SLIT3: variants seen among roughly 807,000 people sequenced by gnomAD.
SLIT3 encodes the protein slit homolog 3 protein.
In SLIT3, 68 loss-of-function variants were observed where a neutral mutation model predicts 184.0. That is an observed-to-expected ratio of 0.37 (90% confidence interval 0.30 to 0.45). The LOEUF (loss-of-function observed/expected upper bound fraction) is 0.45, where lower values mean the gene tolerates loss of function less well. SLIT3 is among the 20% of genes least tolerant of loss of function. SLIT3 has a pLI of 1.00. For missense variants in SLIT3, 1,707 were observed against 2,026.0 expected (o/e 0.84, Z 3.02); for synonymous variants, 831 against 828.6 (o/e 1.00, Z -0.05).
At chr5:169,255,480 G>A (rs1765924766) in intron 1 of SLIT3, among the ~76,000 whole-genome samples, 1 of 152,102 alleles carries the variant, frequency 6.6e-6, no homozygotes, top group African/African-American at 2.4e-5. Context: ...AGTAAAAAAA[G>A]TTTATAAAAT....
intron 3 of SLIT3, 64 bp from the exon 4 acceptor site, chr5:169,193,614 T>C: frequency 8.3e-7 from 1 of 1,202,930 alleles, no homozygotes; most frequent in Non-Finnish European, 1.2e-6. Context: ...CGTATTCAGA[T>C]ACCACTTTAA....
At chr5:169,055,313 C>G (rs946448911) in intron 4 of SLIT3, among the ~76,000 whole-genome samples, 1 of 152,052 alleles carries the variant, frequency 6.6e-6, no homozygotes, top group East Asian at 1.9e-4. Flanking sequence ...TTAGGAGTTA[C>G]GCGGTAATAG....
rs1237193412 is a variant in SLIT3, at chr5:168,666,111, T to TTAAAGCATTTTTATTAG, written c.*326_*342dup. On this transcript the variant is annotated 3_prime_UTR_variant, in exon 36 of 36. Coordinates refer to ENST00000519560, the MANE Select transcript of SLIT3 (RefSeq NM_003062.4). Reference sequence around the variant, plus strand: ...CATTCTTTATTCTTATCCTTTTGTTTTAAAGCATTTTTATTAGTCTATTTT... The same window carrying TTAAAGCATTTTTATTAG: ...CATTCTTTATTCTTATCCTTTTGTTTTAAAGCATTTTTATTAGTAAAGCATTTTTATTAGTCTATTTT... The TTAAAGCATTTTTATTAG allele has an allele frequency of 1.4e-4, 24 of 174,240 alleles. No individual in the cohort carries two copies. The highest frequency in any genetic ancestry group is 9.3e-4 in the Admixed American group (15 of 16,092). The allele number at this position is 174,240 out of a possible 1,614,324, so 10.8% of individuals were successfully genotyped here.
intron 4 of SLIT3, among the ~76,000 whole-genome samples, chr5:168,909,477 C>T (rs1312385142): frequency 5.9e-5 from 9 of 152,202 alleles, no homozygotes; most frequent in Admixed American, 2.0e-4. Context: ...TTTAGCATCG[C>T]CCACAGGAGT....
chr5:169,171,811 G>T (rs1381898798), intron 4 of SLIT3, among the ~76,000 whole-genome samples: 1 of 152,214 alleles, frequency 6.6e-6, no homozygotes, highest in Non-Finnish European at 1.5e-5. Context: ...GGTGGAGAAT[G>T]GGGATGTTGG....
chr5:168,710,813 A>G, intron 25 of SLIT3, 82 bp downstream of exon 25: 1 of 1,239,554 alleles, frequency 8.1e-7, no homozygotes, highest in Non-Finnish European at 1.1e-6. Context: ...ACATCTGTTG[A>G]GATACCCTGC....
intron 3 of SLIT3, among the ~76,000 whole-genome samples, chr5:169,242,737 T>C (rs1477760567): frequency 6.6e-6 from 1 of 152,126 alleles, no homozygotes; most frequent in East Asian, 1.9e-4. Context: ...GCACAGCAGC[T>C]AGCATTACCC....
At chr5:169,248,446 C>T (rs1397840862) in intron 2 of SLIT3, among the ~76,000 whole-genome samples, 1 of 152,086 alleles carries the variant, frequency 6.6e-6, no homozygotes, top group African/African-American at 2.4e-5. Context: ...TAAGACCCTC[C>T]CATCCAGACT....
intron 16 of SLIT3, among the ~76,000 whole-genome samples, chr5:168,758,354 G>A (rs528412641): frequency 1.1e-4 from 17 of 152,344 alleles, no homozygotes; most frequent in Admixed American, 8.5e-4. Context: ...CTTCGCAGAA[G>A]CAAAGACTAG....
chr5:168,845,444 CT>C (rs1172602673), intron 5 of SLIT3, among the ~76,000 whole-genome samples: 6 of 152,178 alleles, frequency 3.9e-5, no homozygotes, highest in Non-Finnish European at 7.4e-5. Context: ...AGATGCACCA[CT>C]TTGATTTAAA....
At chr5:168,980,080 C>T (rs1289292397) in intron 4 of SLIT3, among the ~76,000 whole-genome samples, 1 of 152,136 alleles carries the variant, frequency 6.6e-6, no homozygotes, top group African/African-American at 2.4e-5. Context: ...AGGCCCCACA[C>T]TTTAGAGCAG....
chr5:169,037,258 A>C (rs1448893056), intron 4 of SLIT3, among the ~76,000 whole-genome samples: 1 of 152,252 alleles, frequency 6.6e-6, no homozygotes, highest in East Asian at 1.9e-4. Flanking sequence ...CTAAGCATTT[A>C]TGTTGCTGAA....
chr5:169,057,066 G>A (rs536072256), intron 4 of SLIT3, among the ~76,000 whole-genome samples: 24 of 152,162 alleles, frequency 1.6e-4, no homozygotes, highest in Non-Finnish European at 2.6e-4. Context: ...TTCACTTTTT[G>A]TGGTAAGCAA....
chr5:168,795,418 C>T (rs983846190), intron 10 of SLIT3, 89 bp downstream of exon 10: 27 of 945,122 alleles, frequency 2.9e-5, no homozygotes, highest in Admixed American at 2.0e-4. Flanking sequence ...GGACATGGTC[C>T]GTCACCTGGA....
At chr5:168,905,100 C>T (rs1761002702) in intron 4 of SLIT3, among the ~76,000 whole-genome samples, 1 of 152,064 alleles carries the variant, frequency 6.6e-6, no homozygotes, top group African/African-American at 2.4e-5. Context: ...TTGCTCGAAC[C>T]CGGGAGGCGG....
At chr5:169,224,226 T>C (rs1248273091) in intron 3 of SLIT3, among the ~76,000 whole-genome samples, 1 of 152,034 alleles carries the variant, frequency 6.6e-6, no homozygotes, top group Non-Finnish European at 1.5e-5. Flanking sequence ...GAAATACATA[T>C]TTGTCAGGCA....
At chr5:168,857,689 G>A (rs1342345450) in intron 5 of SLIT3, among the ~76,000 whole-genome samples, 4 of 152,192 alleles carry the variant, frequency 2.6e-5, no homozygotes, top group African/African-American at 9.6e-5. Flanking sequence ...GCAGTACATT[G>A]AGAATGTAAG....
chr5:168,915,713 T>C (rs998986906), intron 4 of SLIT3, among the ~76,000 whole-genome samples: 1 of 152,196 alleles, frequency 6.6e-6, no homozygotes, highest in African/African-American at 2.4e-5. Flanking sequence ...ATACCTTAAT[T>C]TGGACTAGCC....
chr5:169,010,927 CCTTTT>C (rs1170306217), intron 4 of SLIT3, among the ~76,000 whole-genome samples: 5 of 149,902 alleles, frequency 3.3e-5, no homozygotes, highest in African/African-American at 5.0e-5. Flanking sequence ...AAAAAAAAAG[CCTTTT>C]ATTTTTAGAG....
Sources: allele counts gnomAD v4.1 joint callset (sites outside exome capture counted in the v4.1 genomes callset), GRCh38; gene constraint gnomAD v4.1.1; transcripts MANE v1.5; gene names NCBI Gene and HGNC (gene_info 2026-07-23, HGNC 2026-07-21).